The following ST14 variants were observed in gnomAD, a reference collection of about 807,000 sequenced individuals.
ST14 encodes ST14 transmembrane serine protease matriptase, also known as suppressor of tumorigenicity 14 protein.
In ST14, 40 loss-of-function variants were observed where a neutral mutation model predicts 96.5. That is an observed-to-expected ratio of 0.41 (90% CI 0.32 to 0.54). The LOEUF is 0.54. Ranked by LOEUF, ST14 falls within the 20% of genes least tolerant of loss-of-function variation. The pLI is 0.17. For missense variants in ST14, 1,066 were observed against 1,188.9 expected (o/e 0.90, Z 1.52); for synonymous variants, 506 against 492.1 (o/e 1.03, Z -0.37).
chr11:130,209,948 T>A lies in ST14; in HGVS notation c.*125T>A. ...CGCCCCCAGAACATACACTGTGAAC[T>A]CAATCTCCAGGGCTCCAAATCTGCC... On this transcript the variant is annotated 3_prime_UTR_variant, in exon 19 of 19. Coordinates refer to ENST00000278742, the MANE Select transcript of ST14 (RefSeq NM_021978.4). 1 of 1,195,414 alleles carries A rather than the reference T, an allele frequency of 8.4e-7. No individual in the cohort carries two copies. 74.1% of individuals were successfully genotyped at this position (1,195,414 alleles called of 1,614,324 possible).
chr11:130,205,761 C>T (rs1953480723), intron 16 of ST14, among the ~76,000 whole-genome samples: 1 of 134,208 alleles, frequency 7.5e-6, no homozygotes, highest in African/African-American at 2.7e-5. Flanking sequence ...TGCAGTGGCA[C>T]AATCTAAGCT....
intron 1 of ST14, among the ~76,000 whole-genome samples, chr11:130,180,309 G>T (rs559115611): frequency 1.3e-5 from 2 of 152,304 alleles, no homozygotes; most frequent in East Asian, 3.9e-4. Context: ...GATTCCAAGG[G>T]GCCTCTTGAG....
intron 1 of ST14, among the ~76,000 whole-genome samples, chr11:130,182,856 G>A (rs1026536718): frequency 1.3e-5 from 2 of 151,798 alleles, no homozygotes; most frequent in Admixed American, 6.6e-5. Context: ...TCCCCATGTT[G>A]GCCAGGCTGG....
chr11:130,209,684 C>G lies in ST14; in HGVS notation c.2429C>G (p.Ser810Cys). 1.2e-6 allele frequency: 2 copies of G among 1,613,304 alleles called. No homozygotes were observed. Among genetic ancestry groups the G allele is most frequent in the Non-Finnish European group, 1.7e-6 (2 of 1,179,904 alleles). ...SCQGDSGGPL[S>C]SVEADGRIFQ... ...CAGGGTGATTCCGGGGGACCCCTGT[C>G]CAGCGTGGAGGCGGATGGGCGGATC... The change falls in exon 19 of 19, where the codon TCC becomes TGC. Residue 810 changes from serine (S) to cysteine (C), a missense_variant. Physicochemically the swap from Ser to Cys is moderately radical, Grantham distance 112. Transcript: ENST00000278742.
chr11:130,204,711 G>A (rs981721152), intron 16 of ST14, among the ~76,000 whole-genome samples: 6 of 152,166 alleles, frequency 3.9e-5, no homozygotes, highest in Non-Finnish European at 5.9e-5. Flanking sequence ...ACTTGGGGGC[G>A]GCTGAGGTGG....
chr11:130,209,306 G>T, intron 17 of ST14, 136 bp from the exon 18 acceptor site: 1 of 1,180,862 alleles, frequency 8.5e-7, no homozygotes, highest in Non-Finnish European at 1.2e-6. Flanking sequence ...CTGAGTAGAC[G>T]CGGATTACCC....
intron 1 of ST14, among the ~76,000 whole-genome samples, chr11:130,186,025 C>G (rs1309548997): frequency 6.6e-6 from 1 of 152,156 alleles, no homozygotes; most frequent in East Asian, 1.9e-4. Flanking sequence ...CTGGGCTGGT[C>G]TCGAACTCCC....
At chr11:130,177,976 A>G (rs1183346836) in intron 1 of ST14, among the ~76,000 whole-genome samples, 1 of 152,224 alleles carries the variant, frequency 6.6e-6, no homozygotes, top group Non-Finnish European at 1.5e-5. Context: ...ATGTGACTTC[A>G]ATCACACAAG....
intron 1 of ST14, among the ~76,000 whole-genome samples, chr11:130,184,148 A>G (rs73585195): frequency 0.06 from 9,173 of 152,302 alleles, 367 homozygotes; most frequent in African/African-American, 0.11. Context: ...GGGAGGGGCC[A>G]GGAGGAGATT....
chr11:130,160,319 C>T (rs1448629249), intron 1 of ST14, among the ~76,000 whole-genome samples: 1 of 151,934 alleles, frequency 6.6e-6, no homozygotes, highest in Non-Finnish European at 1.5e-5. Flanking sequence ...CCTTTCTTTC[C>T]CTGAGTTGAA....
chr11:130,189,933 C>T, intron 5 of ST14, 37 bp downstream of exon 5: 1 of 1,613,446 alleles, frequency 6.2e-7, no homozygotes, highest in Admixed American at 1.7e-5. Flanking sequence ...TGGGACTGGC[C>T]AGCCTTCCAT....
In ST14 at chr11:130,160,015, C is replaced by A. The variant is rs781717480; in HGVS notation, c.36C>A (p.Gly12=). 1.4e-6 allele frequency: 2 copies of A among 1,428,044 alleles called. No individual in the cohort carries two copies. Among genetic ancestry groups the A allele is most frequent in the Admixed American group, 5.4e-5 (2 of 37,378 alleles). 88.5% of individuals were successfully genotyped at this position (1,428,044 alleles called of 1,614,324 possible). The change falls in exon 1 of 19, where the codon GGC becomes GGA. Residue 12 remains glycine, a synonymous_variant. Transcript: ENST00000278742. ...ATCGGGCCCGCAAGGGCGGAGGGGG[C>A]CCGAAGGACTTCGGCGCGGGACTCA... is the stretch of plus-strand genomic sequence containing the variant. ...GSDRARKGGG[G]PKDFGAGLKY... is the part of the protein sequence containing the mutation.
intron 1 of ST14, among the ~76,000 whole-genome samples, chr11:130,172,803 G>A (rs1157538983): frequency 2.0e-5 from 3 of 152,136 alleles, no homozygotes; most frequent in East Asian, 1.9e-4. Context: ...GCTGGATGCC[G>A]TGTTTATTTA....
At position 130,190,661 on chromosome 11, in the gene ST14, C is replaced by A; in HGVS notation, c.842C>A (p.Thr281Asn). ...AGCGACCTGGTGACGGTGTACAACA[C>A]CCTGAGCCCCATGGAGCCCCACGCC... ...RGSDLVTVYN[T>N]LSPMEPHALV... The change falls in exon 7 of 19, where the codon ACC becomes AAC. Residue 281 changes from threonine to asparagine, a missense_variant. Transcript: ENST00000278742. 1 of 1,601,742 alleles carries A rather than the reference C, an allele frequency of 6.2e-7. No homozygotes were observed. The highest frequency in any genetic ancestry group is 8.5e-7 in the Non-Finnish European group (1 of 1,174,946).
intron 1 of ST14, among the ~76,000 whole-genome samples, chr11:130,169,108 T>TG (rs1953066067): frequency 6.9e-6 from 1 of 145,214 alleles, no homozygotes; most frequent in Non-Finnish European, 1.5e-5. Context: ...TTTTTTTTTT[T>TG]TTTTTTGAGA....
intron 1 of ST14, among the ~76,000 whole-genome samples, chr11:130,162,486 G>A (rs557670435): frequency 4.6e-5 from 7 of 152,284 alleles, no homozygotes; most frequent in African/African-American, 1.2e-4. Context: ...CATCCCTTAG[G>A]CATCCAGAGA....
chr11:130,190,171 C>A (rs755631128), intron 6 of ST14, 23 bp downstream of exon 6: 1 of 1,614,192 alleles, frequency 6.2e-7, no homozygotes, highest in Non-Finnish European at 8.5e-7. Context: ...CCCGCCTCCT[C>A]TTCTGGGTGG....
intron 16 of ST14, among the ~76,000 whole-genome samples, chr11:130,202,236 G>A (rs778589424): frequency 6.6e-6 from 1 of 152,006 alleles, no homozygotes; most frequent in Non-Finnish European, 1.5e-5. Flanking sequence ...CTCCTTCATC[G>A]TGTGTTGATC....
chr11:130,183,543 A>T (rs1485306381), intron 1 of ST14, among the ~76,000 whole-genome samples: 3 of 100,910 alleles, frequency 3.0e-5, no homozygotes, highest in Middle Eastern at 4.2e-3. Flanking sequence ...CCTGTATCTT[A>T]AAAAAAAAAA....
Sources: gnomAD v4.1 joint callset for allele counts (sites outside exome capture counted in the v4.1 genomes callset) on GRCh38, gnomAD v4.1.1 for gene constraint, MANE v1.5 for transcripts, NCBI Gene and HGNC (gene_info 2026-07-23, HGNC 2026-07-21) for gene names.